The following COLGALT1 variants were observed in gnomAD, a reference collection of about 807,000 sequenced individuals.
COLGALT1 encodes procollagen galactosyltransferase 1.
In COLGALT1, 43 loss-of-function variants were observed where a neutral mutation model predicts 60.8. That is an observed-to-expected ratio of 0.71 (90% CI 0.55 to 0.91). The LOEUF (loss-of-function observed/expected upper bound fraction) is 0.91, where lower values mean the gene tolerates loss of function less well. COLGALT1 is among the 40% of genes least tolerant of loss of function. COLGALT1 has a pLI of 0.00. For missense variants in COLGALT1, 845 were observed against 880.0 expected (o/e 0.96, Z 0.50); for synonymous variants, 369 against 374.2 (o/e 0.99, Z 0.16).
In COLGALT1 at chr19:17,581,787, G is replaced by T; in HGVS notation, c.*343G>T. The T allele has an allele frequency of 3.0e-6, 1 of 334,614 alleles. No homozygotes were observed. The highest frequency in any genetic ancestry group is 5.6e-6 in the Non-Finnish European group (1 of 179,032). The allele number at this position is 334,614 out of a possible 1,614,324, so 20.7% of individuals were successfully genotyped here. A position where few individuals can be genotyped will look rare whatever the true frequency, so the allele number is the denominator to read the frequency against. On this transcript the variant is annotated 3_prime_UTR_variant, in exon 12 of 12. Coordinates refer to ENST00000252599, the MANE Select transcript of COLGALT1 (RefSeq NM_024656.4). ...GTTCCCTCCATCAGCGATTGATTCA[G>T]TCATCAAGCAGTTACTGATCAGATT...
At chr19:17,563,206 T>C (rs2076259480) in intron 3 of COLGALT1, among the ~76,000 whole-genome samples, 1 of 149,334 alleles carries the variant, frequency 6.7e-6, no homozygotes, top group South Asian at 2.1e-4. Flanking sequence ...TTTTTTTTTT[T>C]TTGAGACAGT....
intron 6 of COLGALT1, among the ~76,000 whole-genome samples, chr19:17,575,397 T>C (rs1432879684): frequency 1.3e-5 from 2 of 151,996 alleles, no homozygotes; most frequent in Non-Finnish European, 2.9e-5. Flanking sequence ...AGGCGCCTGC[T>C]ACCACATCCG....
At position 17,581,590 on chromosome 19, in the gene COLGALT1, T is replaced by A. The variant is rs2076383272; in HGVS notation, c.*146T>A. The A allele has an allele frequency of 9.4e-7, 1 of 1,063,538 alleles. No homozygotes were observed. Among genetic ancestry groups the A allele is most frequent in the African/African-American group, 1.6e-5 (1 of 62,454 alleles). The allele number at this position is 1,063,538 out of a possible 1,614,324, so 65.9% of individuals were successfully genotyped here. ...TGTCCAGCCAGCTCTTGCTAAGCAATCACGTGCACACAGGCAGCATTAATG... is the reference window on the plus strand; with the variant it reads ...TGTCCAGCCAGCTCTTGCTAAGCAAACACGTGCACACAGGCAGCATTAATG... On this transcript the variant is annotated 3_prime_UTR_variant, in exon 12 of 12. Transcript: ENST00000252599.
intron 3 of COLGALT1, among the ~76,000 whole-genome samples, chr19:17,561,332 C>T (rs1039323385): frequency 2.0e-5 from 3 of 152,022 alleles, no homozygotes; most frequent in South Asian, 2.1e-4. Context: ...CTTCCTGCCT[C>T]GGCCTCCCAA....
At chr19:17,567,622 C>A in intron 4 of COLGALT1, 82 bp downstream of exon 4, 1 of 1,472,454 alleles carries the variant, frequency 6.8e-7, no homozygotes, top group Admixed American at 2.1e-5. Flanking sequence ...TGTCACACAA[C>A]CTCGTGGTGT....
In COLGALT1 at chr19:17,577,419, T is replaced by C; in HGVS notation, c.1085T>C (p.Leu362Pro). ...CGGCGGGAGCGCATGCTGCGGGCGCTGCAGGCACAGGAGATCGAGTGCCGG... is the reference window on the plus strand; with the variant it reads ...CGGCGGGAGCGCATGCTGCGGGCGCCGCAGGCACAGGAGATCGAGTGCCGG... ...QDRRERMLRA[L>P]QAQEIECRLV... The change falls in exon 8 of 12, where the codon CTG (leucine) becomes CCG (proline). Residue 362 changes from leucine to proline, a missense_variant. Leu to Pro is a moderately conservative substitution (Grantham distance 98, BLOSUM62 -3). Transcript: ENST00000252599. 1 of 1,477,606 alleles carries C rather than the reference T, an allele frequency of 6.8e-7. No homozygotes were observed. The allele number at this position is 1,477,606 out of a possible 1,614,324, so 91.5% of individuals were successfully genotyped here.
At position 17,568,521 on chromosome 19, in the gene COLGALT1, C is replaced by T. The variant is rs772721847; in HGVS notation, c.637C>T (p.Arg213Cys). ...TCTCTCCCCACAGGGCTACTACAAG[C>T]GCACACCTGCCTACATCCCTATCCG... Reference protein sequence around the residue: ...CGMTSQGYYKRTPAYIPIRKR... With the variant: ...CGMTSQGYYKCTPAYIPIRKR... Residue 213 changes from arginine (R) to cysteine (C), a missense_variant, in exon 5 of 12, where the codon CGC becomes TGC. Physicochemically the swap from Arg to Cys is radical, Grantham distance 180. Transcript: ENST00000252599. The T allele has an allele frequency of 1.1e-5, 17 of 1,614,092 alleles. No individual in the cohort carries two copies. The highest frequency in any genetic ancestry group is 4.5e-5 in the East Asian group (2 of 44,880).
intron 9 of COLGALT1, 74 bp downstream of exon 9, chr19:17,578,163 T>G: frequency 7.0e-7 from 1 of 1,433,594 alleles, no homozygotes; most frequent in Non-Finnish European, 9.2e-7. Flanking sequence ...GGAAAGGGGT[T>G]GAAAGAGTTC....
chr19:17,560,387 C>T lies in COLGALT1; in HGVS notation c.411C>T (p.Asp137=). Residue 137 remains aspartate, a synonymous_variant, in exon 3 of 12, where the codon GAC becomes GAT. Coordinates refer to ENST00000252599, the MANE Select transcript of COLGALT1 (RefSeq NM_024656.4). The part of the protein sequence containing the change: ...PDEEGPKHWS[D]SRYEHVMKLR... ...AGGAAGGCCCGAAACACTGGTCTGA[C>T]TCACGCTACGAGCATGTCATGAAGT... 6.2e-7 allele frequency: 1 copy of T among 1,614,166 alleles called. No homozygotes were observed. The highest frequency in any genetic ancestry group is 1.3e-5 in the African/African-American group (1 of 75,062).
chr19:17,560,327 A>G (rs1278031748), intron 2 of COLGALT1, 21 bp from the exon 3 acceptor site: 1 of 1,605,968 alleles, frequency 6.2e-7, no homozygotes, highest in East Asian at 2.2e-5. Flanking sequence ...TGATGTCCAC[A>G]TCACAGCTGC....
chr19:17,578,660 G>A (rs2076359902), intron 9 of COLGALT1, among the ~76,000 whole-genome samples: 1 of 152,212 alleles, frequency 6.6e-6, no homozygotes, highest in Non-Finnish European at 1.5e-5. Context: ...GCTGCAGTCA[G>A]CCAAGATCGT....
intron 1 of COLGALT1, 65 bp downstream of exon 1, chr19:17,556,038 G>T: frequency 7.9e-7 from 1 of 1,270,952 alleles, no homozygotes; most frequent in South Asian, 2.4e-5. Context: ...TCCCCATAGG[G>T]GTGGGTCCAC....
chr19:17,580,715 C>T lies in COLGALT1; in HGVS notation c.1411C>T (p.Arg471Trp), dbSNP rs1226022092. The T allele has an allele frequency of 1.5e-5, 25 of 1,613,826 alleles. No individual in the cohort carries two copies. Among genetic ancestry groups the T allele is most frequent in the Middle Eastern group, 1.6e-4 (1 of 6,082 alleles). Reference sequence around the variant, plus strand: ...GCACCCCAGCTATGTGGGCCGGAAGCGGATGCAGGTGGAGCACCCCGAGAA... The same window carrying T: ...GCACCCCAGCTATGTGGGCCGGAAGTGGATGCAGGTGGAGCACCCCGAGAA... Reference protein sequence around the residue: ...DWDLIYVGRKRMQVEHPEKAV... With the variant: ...DWDLIYVGRKWMQVEHPEKAV... The change falls in exon 11 of 12, where the codon CGG becomes TGG. Residue 471 changes from arginine (R) to tryptophan (W), a missense_variant. Coordinates refer to ENST00000252599, the MANE Select transcript of COLGALT1 (RefSeq NM_024656.4).
chr19:17,581,071 TA>T (rs2076378345), intron 11 of COLGALT1, 105 bp from the exon 12 acceptor site: 2 of 1,426,476 alleles, frequency 1.4e-6, no homozygotes, highest in African/African-American at 2.9e-5. Flanking sequence ...CCTGCACACT[TA>T]CGTTTTAATC....
rs374042241 is a variant in COLGALT1, at chr19:17,560,342, C to G, written c.372-6C>G. ...TGATGTCCACATCACAGCTGCCTCC[C>G]CATAGGTCCTACCCGGACGAGGAAG... On this transcript the variant is annotated splice_polypyrimidine_tract_variant and splice_region_variant and intron_variant, in intron 2 of 11. Coordinates refer to ENST00000252599, the MANE Select transcript of COLGALT1 (RefSeq NM_024656.4). 12 of 1,612,510 alleles carry G rather than the reference C, an allele frequency of 7.4e-6. No individual in the cohort carries two copies. Among genetic ancestry groups the G allele is most frequent in the Non-Finnish European group, 1.0e-5 (12 of 1,179,008 alleles).
chr19:17,576,957 A>C, intron 6 of COLGALT1: 3 of 433,658 alleles, frequency 6.9e-6, no homozygotes, highest in South Asian at 2.7e-5. Context: ...GCTGAGAGGC[A>C]GGACTGGGGG....
At chr19:17,576,806 C>G (rs975673092) in intron 6 of COLGALT1, among the ~76,000 whole-genome samples, 1 of 114,516 alleles carries the variant, frequency 8.7e-6, no homozygotes, top group African/African-American at 3.5e-5. Context: ...GGCTGGGGGG[C>G]AGGTTGAAGC....
At chr19:17,580,521 C>T in intron 10 of COLGALT1, 178 bp from the exon 11 acceptor site, 2 of 632,254 alleles carry the variant, frequency 3.2e-6, no homozygotes, top group Non-Finnish European at 5.5e-6. Flanking sequence ...CACTCTTCTC[C>T]CCCATGACCG....
At chr19:17,577,073 C>T in intron 6 of COLGALT1, 122 bp from the exon 7 acceptor site, 1 of 901,362 alleles carries the variant, frequency 1.1e-6, no homozygotes, top group South Asian at 1.5e-5. Flanking sequence ...GTGGGCGGAG[C>T]CAGGTCGACT....
Sources: allele counts gnomAD v4.1 joint callset (sites outside exome capture counted in the v4.1 genomes callset), GRCh38; gene constraint gnomAD v4.1.1; transcripts MANE v1.5; gene names NCBI Gene and HGNC (gene_info 2026-07-23, HGNC 2026-07-21).